The following POFUT3 variants were observed in gnomAD, a reference collection of about 807,000 sequenced individuals.
The protein encoded by POFUT3 is protein O-fucosyltransferase 3.
At chr8:33,469,574 C>T in the POFUT3 span, among the ~76,000 whole-genome samples, 1 of 152,098 alleles carries the variant, frequency 6.6e-6, no homozygotes, top group Admixed American at 6.6e-5. Flanking sequence ...CAGAACACCT[C>T]TGCACTTCTA....
At chr8:33,364,778 T>C in the POFUT3 span, among the ~76,000 whole-genome samples, 3 of 152,260 alleles carry the variant, frequency 2.0e-5, no homozygotes, top group African/African-American at 4.8e-5. Flanking sequence ...CACAAACGAA[T>C]GGAAGAATAT....
At chr8:33,421,866 A>G in the POFUT3 span, among the ~76,000 whole-genome samples, 10 of 152,172 alleles carry the variant, frequency 6.6e-5, no homozygotes, top group African/African-American at 2.2e-4. Context: ...TATAGAATCT[A>G]AATCATTTCT....
chr8:33,353,445 A>T, the POFUT3 span, among the ~76,000 whole-genome samples: 1 of 152,216 alleles, frequency 6.6e-6, no homozygotes, highest in Non-Finnish European at 1.5e-5. Context: ...GGCTGCCAGC[A>T]CTGAGATCAC....
the POFUT3 span, among the ~76,000 whole-genome samples, chr8:33,373,562 C>T: frequency 6.6e-6 from 1 of 152,134 alleles, no homozygotes; most frequent in African/African-American, 2.4e-5. Context: ...TGATCCTCTG[C>T]AGGCTACACT....
the POFUT3 span, among the ~76,000 whole-genome samples, chr8:33,409,796 T>A: frequency 1.3e-5 from 2 of 152,006 alleles, no homozygotes; most frequent in African/African-American, 4.8e-5. Context: ...TCCCAGCTAC[T>A]CAGGAGGCTG....
chr8:33,312,427 A>G, the POFUT3 span, among the ~76,000 whole-genome samples: 1 of 152,176 alleles, frequency 6.6e-6, no homozygotes, highest in African/African-American at 2.4e-5. Context: ...GAAGCAAGAA[A>G]GGATTCTTCC....
At chr8:33,458,713 C>CA in the POFUT3 span, among the ~76,000 whole-genome samples, 1 of 150,950 alleles carries the variant, frequency 6.6e-6, no homozygotes, top group Non-Finnish European at 1.5e-5. Flanking sequence ...GACTCCGTCT[C>CA]AAAAAACAAA....
chr8:33,333,643 A>G, the POFUT3 span, among the ~76,000 whole-genome samples: 1 of 152,142 alleles, frequency 6.6e-6, no homozygotes, highest in Non-Finnish European at 1.5e-5. Flanking sequence ...AGTGGGGTAC[A>G]CTTGAGGCAA....
the POFUT3 span, among the ~76,000 whole-genome samples, chr8:33,463,507 A>T: frequency 6.6e-6 from 1 of 151,646 alleles, no homozygotes; most frequent in African/African-American, 2.4e-5. Context: ...TGCGTCTCAA[A>T]AAAAAAAAAA....
At chr8:33,308,376 C>G in the POFUT3 span, among the ~76,000 whole-genome samples, 31 of 152,160 alleles carry the variant, frequency 2.0e-4, no homozygotes, top group Non-Finnish European at 3.4e-4. Context: ...CCTATTCTGT[C>G]TCTGGCTAAT....
chr8:33,397,439 C>T, the POFUT3 span, among the ~76,000 whole-genome samples: 2 of 152,168 alleles, frequency 1.3e-5, no homozygotes, highest in Non-Finnish European at 2.9e-5. Context: ...ATCGCTGTCA[C>T]CACTGTCTGC....
At chr8:33,422,895 T>G in the POFUT3 span, among the ~76,000 whole-genome samples, 1 of 152,014 alleles carries the variant, frequency 6.6e-6, no homozygotes, top group Non-Finnish European at 1.5e-5. Flanking sequence ...CACTTCAACC[T>G]CCGCCTCCCA....
chr8:33,320,144 A>G, the POFUT3 span, among the ~76,000 whole-genome samples: 2 of 151,992 alleles, frequency 1.3e-5, no homozygotes, highest in Admixed American at 1.3e-4. Flanking sequence ...TGATTTTATG[A>G]GATCTTAACC....
the POFUT3 span, among the ~76,000 whole-genome samples, chr8:33,440,518 T>C: frequency 6.6e-6 from 1 of 152,076 alleles, no homozygotes; most frequent in African/African-American, 2.4e-5. Flanking sequence ...TAGATGCCAG[T>C]TGTATAAATG....
chr8:33,309,606 T>C, the POFUT3 span, among the ~76,000 whole-genome samples: 1 of 152,154 alleles, frequency 6.6e-6, no homozygotes, highest in African/African-American at 2.4e-5. Flanking sequence ...AGTCAGATGA[T>C]TGATGAATCC....
the POFUT3 span, among the ~76,000 whole-genome samples, chr8:33,384,909 G>A: frequency 2.0e-5 from 3 of 152,114 alleles, no homozygotes; most frequent in Admixed American, 1.3e-4. Flanking sequence ...TGGTGAGAGA[G>A]GTACCAAAAT....
chr8:33,406,617 G>A, the POFUT3 span, among the ~76,000 whole-genome samples: 3 of 151,630 alleles, frequency 2.0e-5, no homozygotes, highest in South Asian at 2.1e-4. Context: ...TTTTTTTTTA[G>A]AGAAGGGTGT....
At chr8:33,326,819 C>G in the POFUT3 span, among the ~76,000 whole-genome samples, 128 of 152,242 alleles carry the variant, frequency 8.4e-4, 3 homozygotes, top group Admixed American at 1.4e-3. Context: ...CCTCTGTGAC[C>G]CAGGGTGGAG....
the POFUT3 span, among the ~76,000 whole-genome samples, chr8:33,317,881 C>T: frequency 6.6e-6 from 1 of 152,124 alleles, no homozygotes; most frequent in Admixed American, 6.6e-5. Flanking sequence ...GCATTTCCAG[C>T]CTTACTTCTC....
Sources: gnomAD v4.1 joint callset for allele counts (sites outside exome capture counted in the v4.1 genomes callset) on GRCh38, gnomAD v4.1.1 for gene constraint, MANE v1.5 for transcripts, NCBI Gene and HGNC (gene_info 2026-07-23, HGNC 2026-07-21) for gene names.